Variants in DOCK7 observed in about 807,000 individuals in gnomAD.
The protein encoded by DOCK7 is dedicator of cytokinesis 7, also known as dedicator of cytokinesis protein 7.
A neutral mutation model predicts 271.0 loss-of-function variants in DOCK7; 138 were observed. The observed-to-expected ratio is 0.51, with a 90% CI of 0.44 to 0.59. The LOEUF (loss-of-function observed/expected upper bound fraction) is 0.59. Ranked by LOEUF, DOCK7 falls within the 20% of genes least tolerant of loss-of-function variation. The pLI is 0.00. For synonymous variants in DOCK7, 823 were observed against 876.1 expected (o/e 0.94, Z 1.07); for missense variants, 2,066 against 2,592.4 (o/e 0.80, Z 4.41).
At chr1:62,642,692 A>G (rs1656184706) in intron 7 of DOCK7, among the ~76,000 whole-genome samples, 1 of 151,852 alleles carries the variant, frequency 6.6e-6, no homozygotes, top group East Asian at 1.9e-4. Context: ...CATAAACTAG[A>G]CTCTATTACC....
intron 14 of DOCK7, chr1:62,604,866 A>G: frequency 6.4e-7 from 1 of 1,564,982 alleles, no homozygotes; most frequent in Non-Finnish European, 8.8e-7. Context: ...CCTCATTCCA[A>G]GTTAATGTGG....
chr1:62,658,058 GA>G (rs947075458), intron 2 of DOCK7, among the ~76,000 whole-genome samples: 77 of 150,750 alleles, frequency 5.1e-4, no homozygotes, highest in African/African-American at 1.5e-3. Context: ...TAAGCCTACA[GA>G]CTCAAGAAGC....
At chr1:62,566,946 T>C (rs1646536447) in intron 18 of DOCK7, among the ~76,000 whole-genome samples, 1 of 152,130 alleles carries the variant, frequency 6.6e-6, no homozygotes, top group Admixed American at 6.5e-5. Flanking sequence ...CATGAAAAAA[T>C]GCTCATCATC....
chr1:62,541,281 G>T (rs981720570), intron 25 of DOCK7, among the ~76,000 whole-genome samples: 1 of 152,152 alleles, frequency 6.6e-6, no homozygotes, highest in African/African-American at 2.4e-5. Context: ...TAATACCTAG[G>T]CCACAGGGCA....
At chr1:62,482,878 C>G (rs545153688) in intron 43 of DOCK7, 1 of 152,214 alleles carries the variant, frequency 6.6e-6, no homozygotes, top group African/African-American at 2.4e-5. Context: ...GGCTTACTGA[C>G]AAAACACATT....
chr1:62,457,975 A>C (rs1645396203), intron 48 of DOCK7: 1 of 306,844 alleles, frequency 3.3e-6, no homozygotes. Context: ...ACATGGCAAA[A>C]CCTCGTCTCT....
intron 1 of DOCK7, among the ~76,000 whole-genome samples, chr1:62,677,569 T>C (rs1047887450): frequency 6.6e-6 from 1 of 151,204 alleles, no homozygotes; most frequent in Non-Finnish European, 1.5e-5. Flanking sequence ...AAAATTCCCA[T>C]GTAAAAAGCC....
intron 37 of DOCK7, among the ~76,000 whole-genome samples, chr1:62,502,850 T>C (rs1646824326): frequency 6.6e-6 from 1 of 152,140 alleles, no homozygotes; most frequent in Non-Finnish European, 1.5e-5. Context: ...GTATGAAAGG[T>C]TTAATTCAAT....
chr1:62,636,806 T>A (rs1340804274), intron 7 of DOCK7, among the ~76,000 whole-genome samples: 1 of 152,164 alleles, frequency 6.6e-6, no homozygotes, highest in Non-Finnish European at 1.5e-5. Context: ...CTCTAGTTAA[T>A]CCTAATTAAT....
At position 62,475,948 on chromosome 1, in the gene DOCK7, G is replaced by T; in HGVS notation, c.5725-5C>A. On this transcript the variant is annotated splice_region_variant and splice_polypyrimidine_tract_variant and intron_variant, in intron 45 of 49. Coordinates refer to ENST00000635253, the MANE Select transcript of DOCK7 (RefSeq NM_001367561.1). ...ATAGGTAATCTGAATATATGCCTAGGAAAGAAAAAAGTCCTTCATTTCCTC... is the reference window on the plus strand; with the variant it reads ...ATAGGTAATCTGAATATATGCCTAGTAAAGAAAAAAGTCCTTCATTTCCTC... 2 of 1,611,120 alleles carry T rather than the reference G, an allele frequency of 1.2e-6. No individual in the cohort carries two copies. Among genetic ancestry groups the T allele is most frequent in the South Asian group, 1.1e-5 (1 of 90,748 alleles).
chr1:62,687,209 T>A (rs1484029572), intron 1 of DOCK7, among the ~76,000 whole-genome samples: 3 of 152,232 alleles, frequency 2.0e-5, no homozygotes, highest in Non-Finnish European at 4.4e-5. Context: ...CACACAAATA[T>A]GATTTTATTA....
At chr1:62,583,391 C>A in intron 15 of DOCK7, 137 bp from the exon 16 acceptor site, 1 of 649,966 alleles carries the variant, frequency 1.5e-6, no homozygotes, top group Non-Finnish European at 2.6e-6. Flanking sequence ...AATGTGCCTA[C>A]TGACGTTCAT....
At chr1:62,553,342 A>C (rs1381634926) in intron 21 of DOCK7, among the ~76,000 whole-genome samples, 1 of 33,012 alleles carries the variant, frequency 3.0e-5, no homozygotes, top group Non-Finnish European at 6.2e-5. Context: ...ATATATATAT[A>C]TATATATATA....
rs1195089238 is a variant in DOCK7 at position 62,492,844 on chromosome 1, T to C, written c.5221A>G (p.Ile1741Val). The change falls in exon 41 of 50, where the codon ATT becomes GTT. Residue 1741 changes from isoleucine to valine, a missense_variant. This residue lies in a region of DOCK7 where 652 missense variants were observed against 922.1 expected (regional missense o/e 0.71). Transcript: ENST00000635253. Reference protein sequence around the residue: ...LPVGCVTFQNISSNVLEESAV... With the variant: ...LPVGCVTFQNVSSNVLEESAV... ...GATTCTTCTAAAACATTAGATGAAA[T>C]ATTCTAGGGAAAAAATATATTGAAA... is the stretch of plus-strand genomic sequence containing the variant. The C allele has an allele frequency of 6.2e-7, 1 of 1,605,812 alleles. No homozygotes were observed. The highest frequency in any genetic ancestry group is 1.7e-5 in the Admixed American group (1 of 58,100).
intron 35 of DOCK7, among the ~76,000 whole-genome samples, chr1:62,506,317 A>G (rs1646934748): frequency 6.6e-6 from 1 of 152,226 alleles, no homozygotes; most frequent in African/African-American, 2.4e-5. Context: ...GCCCTTAAAA[A>G]AAGAAATGTA....
At chr1:62,651,551 C>T (rs1234528376) in intron 4 of DOCK7, among the ~76,000 whole-genome samples, 2 of 150,212 alleles carry the variant, frequency 1.3e-5, no homozygotes, top group African/African-American at 2.4e-5. Flanking sequence ...GTGGCTTCAT[C>T]TTATAGCTAT....
intron 14 of DOCK7, chr1:62,602,141 A>C: frequency 2.8e-6 from 2 of 719,380 alleles, no homozygotes; most frequent in Non-Finnish European, 4.5e-6. Flanking sequence ...TTTTGGGACC[A>C]TAATAAATAA....
chr1:62,461,779 G>T (rs1297473806), intron 48 of DOCK7, among the ~76,000 whole-genome samples: 1 of 151,760 alleles, frequency 6.6e-6, no homozygotes, highest in Non-Finnish European at 1.5e-5. Flanking sequence ...AATTTTGAAA[G>T]ATAACATTAA....
intron 7 of DOCK7, chr1:62,641,788 T>C (rs1557846892): frequency 1.1e-5 from 3 of 278,098 alleles, no homozygotes; most frequent in Non-Finnish European, 1.4e-5. Context: ...ACAATTATAG[T>C]ACAGTTTTTA....
Sources: gnomAD v4.1 joint callset for allele counts (sites outside exome capture counted in the v4.1 genomes callset) on GRCh38, gnomAD v4.1.1 for gene constraint, gnomAD v4.1.1 regional missense constraint, MANE v1.5 for transcripts, NCBI Gene and HGNC (gene_info 2026-07-23, HGNC 2026-07-21) for gene names.